Variants in TPX2 observed in about 807,000 individuals in gnomAD.
TPX2 encodes the protein targeting protein for Xklp2.
TPX2 carries 21 observed loss-of-function variants against 93.6 expected under a neutral mutation model. The ratio of observed to expected loss-of-function variants is 0.22; its 90% CI spans 0.16 to 0.32. TPX2 has a LOEUF of 0.32. Ranked by LOEUF, TPX2 falls within the 10% of genes least tolerant of loss-of-function variation. TPX2 has a pLI of 1.00. For missense variants in TPX2, 776 were observed against 871.1 expected (o/e 0.89, Z 1.37); for synonymous variants, 281 against 298.3 (o/e 0.94, Z 0.60).
chr20:31,789,264 G>A (rs975960473), intron 12 of TPX2, among the ~76,000 whole-genome samples: 6 of 152,144 alleles, frequency 3.9e-5, no homozygotes. Context: ...GGGACCGTGT[G>A]TATCTATATT....
At chr20:31,755,195 G>A (rs1017642533) in intron 2 of TPX2, among the ~76,000 whole-genome samples, 2 of 151,878 alleles carry the variant, frequency 1.3e-5, no homozygotes, top group Non-Finnish European at 2.9e-5. Flanking sequence ...TGATCCACCC[G>A]CCTTGGCCTC....
chr20:31,777,742 A>T (rs1037877290), intron 9 of TPX2, 104 bp downstream of exon 9: 1 of 1,240,854 alleles, frequency 8.1e-7, no homozygotes, highest in Admixed American at 2.7e-5. Context: ...TGAGAAAAAA[A>T]ACCTTGTGTC....
At chr20:31,755,313 A>G (rs2061845229) in intron 2 of TPX2, among the ~76,000 whole-genome samples, 1 of 148,410 alleles carries the variant, frequency 6.7e-6, no homozygotes, top group Non-Finnish European at 1.5e-5. Context: ...CAAACTCCTG[A>G]CCTCAGGTGA....
At chr20:31,776,167 G>A (rs1013351931) in intron 8 of TPX2, among the ~76,000 whole-genome samples, 179 bp downstream of exon 8, 22 of 140,116 alleles carry the variant, frequency 1.6e-4, no homozygotes, top group African/African-American at 3.6e-4. Context: ...TGCAAGCTCC[G>A]CTTCCCAGGT....
At position 31,775,994 on chromosome 20, in the gene TPX2, C is replaced by A; in HGVS notation, c.730+6C>A. The A allele has an allele frequency of 1.4e-6, 2 of 1,406,428 alleles. No individual in the cohort carries two copies. The highest frequency in any genetic ancestry group is 1.3e-5 in the South Asian group (1 of 78,878). The allele number at this position is 1,406,428 out of a possible 1,614,324, so 87.1% of individuals were successfully genotyped here. ...ACTTGCTCTGGCTGGAATAGGTGAG[C>A]TTGGCTGTGGTTGAGTCTGATTCAT... is the stretch of plus-strand genomic sequence containing the variant. On this transcript the variant is annotated splice_donor_region_variant and intron_variant, in intron 8 of 17. Transcript: ENST00000300403.
At chr20:31,776,227 C>T (rs1274998156) in intron 8 of TPX2, among the ~76,000 whole-genome samples, 3 of 150,986 alleles carry the variant, frequency 2.0e-5, no homozygotes, top group African/African-American at 4.9e-5. Context: ...ACTACAGGCG[C>T]CCGCCACCGC....
intron 2 of TPX2, among the ~76,000 whole-genome samples, chr20:31,751,342 C>A (rs2149282): frequency 1.3e-5 from 2 of 151,712 alleles, no homozygotes; most frequent in Non-Finnish European, 2.9e-5. Flanking sequence ...CCTGGGAAGC[C>A]TTCCCAGTGA....
rs2061994167 is a variant in TPX2, at chr20:31,775,984, A to T, written c.726A>T (p.Gly242=). The change falls in exon 8 of 18, where the codon GGA becomes GGT. Residue 242 remains glycine, a synonymous_variant. Coordinates refer to ENST00000300403, the MANE Select transcript of TPX2 (RefSeq NM_012112.5). ...AATTCAAGAAACTTGCTCTGGCTGGAATAGGTGAGCTTGGCTGTGGTTGAG... is the reference window on the plus strand; with the variant it reads ...AATTCAAGAAACTTGCTCTGGCTGGTATAGGTGAGCTTGGCTGTGGTTGAG... The part of the protein sequence containing the change: ...NEEFKKLALA[G]IGQPVKKSVS... 6.8e-7 allele frequency: 1 copy of T among 1,465,500 alleles called. No homozygotes were observed. Among genetic ancestry groups the T allele is most frequent in the African/African-American group, 1.4e-5 (1 of 71,554 alleles). 90.8% of individuals were successfully genotyped at this position (1,465,500 alleles called of 1,614,324 possible). A position where few individuals can be genotyped will look rare whatever the true frequency, so the allele number is the denominator to read the frequency against.
At chr20:31,781,364 C>G (rs551242954) in intron 10 of TPX2, among the ~76,000 whole-genome samples, 1 of 149,884 alleles carries the variant, frequency 6.7e-6, no homozygotes, top group African/African-American at 2.5e-5. Flanking sequence ...CTTCCAGGTT[C>G]ATGCCATTCT....
At chr20:31,757,612 A>G in intron 3 of TPX2, 30 bp downstream of exon 3, 1 of 1,580,836 alleles carries the variant, frequency 6.3e-7, no homozygotes, top group Non-Finnish European at 8.7e-7. Context: ...GGCTATTTTA[A>G]GGATTAGTGG....
At chr20:31,767,905 G>C (rs1464754202) in intron 5 of TPX2, among the ~76,000 whole-genome samples, 1 of 149,362 alleles carries the variant, frequency 6.7e-6, no homozygotes, top group Non-Finnish European at 1.5e-5. Flanking sequence ...TGGTTTTCTT[G>C]CTTCTGAAAT....
At position 31,771,895 on chromosome 20, in the gene TPX2, A is replaced by T. The variant is rs1029411781; in HGVS notation, c.608+213A>T. 4.6e-5 allele frequency among the ~76,000 whole-genome samples: 7 copies of T among 152,110 alleles called. No individual in the cohort carries two copies. The East Asian group carries it at 9.7e-4, about 21-fold the overall frequency. On this transcript the variant is annotated intron_variant, in intron 7 of 17. Transcript: ENST00000300403. ...AAGACAGGGCCTCATTCTGTTGCCTAGGTTGGTGTGCAGTGATGCAATCAT... is the reference window on the plus strand; with the variant it reads ...AAGACAGGGCCTCATTCTGTTGCCTTGGTTGGTGTGCAGTGATGCAATCAT...
At chr20:31,771,451 T>C in intron 6 of TPX2, 109 bp from the exon 7 acceptor site, 1 of 1,370,070 alleles carries the variant, frequency 7.3e-7, no homozygotes, top group Non-Finnish European at 9.8e-7. Context: ...GCATGCTTGT[T>C]ATCCTATAGA....
At chr20:31,744,288 G>A (rs1228210643) in intron 2 of TPX2, among the ~76,000 whole-genome samples, 2 of 146,466 alleles carry the variant, frequency 1.4e-5, no homozygotes, top group Non-Finnish European at 3.0e-5. Flanking sequence ...TCAGCCTCCC[G>A]AGTAGCTGGG....
rs1436419138 is a variant in TPX2 at position 31,797,523 on chromosome 20, T to A, written c.1945+8T>A. 1 of 1,612,104 alleles carries A rather than the reference T, an allele frequency of 6.2e-7. No individual in the cohort carries two copies. Among genetic ancestry groups the A allele is most frequent in the East Asian group, 2.2e-5 (1 of 44,848 alleles). On this transcript the variant is annotated splice_region_variant and intron_variant, in intron 16 of 17. Transcript: ENST00000300403. The stretch of plus-strand genomic sequence containing the variant: ...AGAAGAAATCAGTTGCTGGTAGTAT[T>A]ATATGTACTCTGATGGGACTCGGGC...
At chr20:31,750,030 C>T (rs1317526386) in intron 2 of TPX2, among the ~76,000 whole-genome samples, 6 of 151,850 alleles carry the variant, frequency 4.0e-5, no homozygotes, top group East Asian at 1.9e-4. Flanking sequence ...CTCCTCCTCC[C>T]GGGTTCAAGC....
At chr20:31,771,437 C>A in intron 6 of TPX2, 123 bp from the exon 7 acceptor site, 1 of 1,254,446 alleles carries the variant, frequency 8.0e-7, no homozygotes, top group Non-Finnish European at 1.1e-6. Context: ...ATCATGTGGT[C>A]GAAGCATGCT....
At chr20:31,746,882 T>A (rs1435095413) in intron 2 of TPX2, among the ~76,000 whole-genome samples, 1 of 152,242 alleles carries the variant, frequency 6.6e-6, no homozygotes, top group Non-Finnish European at 1.5e-5. Flanking sequence ...CCCTTCCATT[T>A]ATCTCTTACC....
chr20:31,741,458 T>G (rs975790835), intron 1 of TPX2, among the ~76,000 whole-genome samples: 1 of 151,106 alleles, frequency 6.6e-6, no homozygotes, highest in African/African-American at 2.4e-5. Flanking sequence ...ATTATAGGGA[T>G]CTGCCACCAC....
Sources: allele counts gnomAD v4.1 joint callset (sites outside exome capture counted in the v4.1 genomes callset), GRCh38; gene constraint gnomAD v4.1.1; transcripts MANE v1.5; gene names NCBI Gene and HGNC (gene_info 2026-07-23, HGNC 2026-07-21).